Variants in TMEFF2 observed in about 807,000 individuals in gnomAD.
TMEFF2 encodes the protein transmembrane protein with EGF like and two follistatin like domains 2, also known as tomoregulin-2.
TMEFF2 carries 28 observed loss-of-function variants against 53.8 expected under a neutral mutation model. That is an observed-to-expected ratio of 0.52 (90% confidence interval 0.39 to 0.71). The LOEUF is 0.71. Among genes scored for constraint, TMEFF2 ranks in the 30% least tolerant of loss-of-function variants. The pLI is 0.00. For synonymous variants in TMEFF2, 162 were observed against 166.3 expected (o/e 0.97, Z 0.20); for missense variants, 353 against 455.2 (o/e 0.78, Z 2.04).
chr2:192,068,698 C>T (rs1463821118), intron 4 of TMEFF2, among the ~76,000 whole-genome samples: 1 of 151,770 alleles, frequency 6.6e-6, no homozygotes, highest in Admixed American at 6.6e-5. Context: ...TACTTGCCTA[C>T]TATGGGCATT....
chr2:192,013,085 G>GC (rs1274389154), intron 5 of TMEFF2, among the ~76,000 whole-genome samples: 22 of 152,324 alleles, frequency 1.4e-4, no homozygotes, highest in African/African-American at 4.8e-4. Context: ...CCTTTAAAAT[G>GC]TAAATGAGAA....
intron 7 of TMEFF2, among the ~76,000 whole-genome samples, chr2:191,959,409 C>T (rs1377065323): frequency 6.6e-6 from 1 of 152,192 alleles, no homozygotes; most frequent in Non-Finnish European, 1.5e-5. Flanking sequence ...ACACTTCAGT[C>T]AAGAGCTATT....
chr2:191,976,611 T>C (rs1417827605), intron 7 of TMEFF2, among the ~76,000 whole-genome samples: 1 of 152,222 alleles, frequency 6.6e-6, no homozygotes, highest in East Asian at 1.9e-4. Context: ...AATGGTCTTT[T>C]GGCAATTTCC....
At chr2:191,964,369 T>TCC (rs1559063496) in intron 7 of TMEFF2, among the ~76,000 whole-genome samples, 1 of 66,178 alleles carries the variant, frequency 1.5e-5, no homozygotes, top group South Asian at 5.5e-4. Context: ...TCTTTCTTTC[T>TCC]TTCTCTTTCT....
chr2:192,075,531 C>T (rs1688413656), intron 4 of TMEFF2, among the ~76,000 whole-genome samples: 1 of 151,086 alleles, frequency 6.6e-6, no homozygotes, highest in Admixed American at 6.6e-5. Context: ...CTGACATCAA[C>T]AGGTCTCTCA....
chr2:192,022,711 CT>C (rs1313019169), intron 5 of TMEFF2, among the ~76,000 whole-genome samples: 1 of 151,984 alleles, frequency 6.6e-6, no homozygotes, highest in African/African-American at 2.4e-5. Context: ...GAGATTTTTT[CT>C]TTTAATCTGC....
chr2:191,981,357 C>G (rs1046074131), intron 7 of TMEFF2, among the ~76,000 whole-genome samples: 27 of 152,192 alleles, frequency 1.8e-4, no homozygotes, highest in African/African-American at 6.3e-4. Context: ...CTCTGCCAGG[C>G]ACACTCAATG....
intron 5 of TMEFF2, among the ~76,000 whole-genome samples, chr2:192,012,900 T>C (rs751240516): frequency 5.9e-5 from 9 of 152,140 alleles, no homozygotes; most frequent in South Asian, 2.1e-4. Context: ...TCCTTGATTA[T>C]AGAAAAACCT....
At chr2:192,085,891 A>C (rs570672191) in intron 4 of TMEFF2, among the ~76,000 whole-genome samples, 1 of 152,276 alleles carries the variant, frequency 6.6e-6, no homozygotes, top group African/African-American at 2.4e-5. Flanking sequence ...CTGCATTTCA[A>C]AGGATATATT....
chr2:191,958,860 C>T (rs1471082121), intron 7 of TMEFF2, among the ~76,000 whole-genome samples: 1 of 152,098 alleles, frequency 6.6e-6, no homozygotes, highest in Non-Finnish European at 1.5e-5. Context: ...TATATGTCAA[C>T]AAATTTATAG....
At chr2:191,981,070 A>AG (rs201964586) in intron 7 of TMEFF2, among the ~76,000 whole-genome samples, 54 of 148,686 alleles carry the variant, frequency 3.6e-4, no homozygotes, top group Non-Finnish European at 3.7e-4. Flanking sequence ...CTCTGCTGCC[A>AG]GGTTTTTTTT....
chr2:192,104,232 G>C (rs1689096961), intron 4 of TMEFF2, among the ~76,000 whole-genome samples: 1 of 152,120 alleles, frequency 6.6e-6, no homozygotes, highest in African/African-American at 2.4e-5. Flanking sequence ...GACAGAAGTA[G>C]CGTTTAGAGA....
At chr2:192,167,811 A>G (rs529437265) in intron 4 of TMEFF2, among the ~76,000 whole-genome samples, 10 of 152,254 alleles carry the variant, frequency 6.6e-5, no homozygotes, top group African/African-American at 2.4e-4. Context: ...GGCATTTCCT[A>G]TGCCCACTCT....
intron 4 of TMEFF2, among the ~76,000 whole-genome samples, chr2:192,130,907 T>C (rs1689806262): frequency 6.8e-6 from 1 of 147,038 alleles, no homozygotes; most frequent in African/African-American, 2.5e-5. Flanking sequence ...CCGGCGCTGG[T>C]CACGGACTGG....
intron 4 of TMEFF2, among the ~76,000 whole-genome samples, chr2:192,077,586 T>C (rs1688461451): frequency 6.6e-6 from 1 of 152,060 alleles, no homozygotes; most frequent in African/African-American, 2.4e-5. Context: ...CTTATTAACC[T>C]TCCAAGGGTG....
chr2:192,057,881 C>T lies in TMEFF2; in HGVS notation c.440-106G>A, dbSNP rs553969458. ...GCTGCTACTTTCCCAATGGACCTGT[C>T]TGCTATTGAAGCTTCATAAGAATGT... On this transcript the variant is annotated intron_variant, in intron 4 of 9. Coordinates refer to ENST00000272771, the MANE Select transcript of TMEFF2 (RefSeq NM_016192.4). 20 of 867,246 alleles carry T rather than the reference C, an allele frequency of 2.3e-5. No individual in the cohort carries two copies. The East Asian group carries it at 4.2e-4, about 18-fold the overall frequency. The allele number at this position is 867,246 out of a possible 1,614,324, so 53.7% of individuals were successfully genotyped here.
chr2:192,143,784 A>G (rs759046266), intron 4 of TMEFF2, among the ~76,000 whole-genome samples: 3 of 152,120 alleles, frequency 2.0e-5, no homozygotes, highest in Admixed American at 6.6e-5. Context: ...CATTCCCTGC[A>G]TTTACCAAGT....
At chr2:191,997,548 T>C (rs752695944) in intron 7 of TMEFF2, among the ~76,000 whole-genome samples, 30 of 151,596 alleles carry the variant, frequency 2.0e-4, no homozygotes, top group Non-Finnish European at 4.1e-4. Flanking sequence ...TATCAACCTA[T>C]ATACTATTTA....
chr2:192,123,558 G>A (rs1483345650), intron 4 of TMEFF2, among the ~76,000 whole-genome samples: 1 of 152,108 alleles, frequency 6.6e-6, no homozygotes, highest in African/African-American at 2.4e-5. Flanking sequence ...TATAGGAGTT[G>A]CATTATATTT....
Sources: gnomAD v4.1 joint callset for allele counts (sites outside exome capture counted in the v4.1 genomes callset) on GRCh38, gnomAD v4.1.1 for gene constraint, MANE v1.5 for transcripts, NCBI Gene and HGNC (gene_info 2026-07-23, HGNC 2026-07-21) for gene names.